The following MACF1 variants were observed in gnomAD, a reference collection of about 807,000 sequenced individuals.
The protein encoded by MACF1 is microtubule actin crosslinking factor 1.
Under a neutral mutation model 854.8 loss-of-function variants are expected in MACF1, and 193 were observed. The ratio of observed to expected loss-of-function variants is 0.23; its 90% CI spans 0.20 to 0.25. The LOEUF is 0.25. Among genes scored for constraint, MACF1 ranks in the 10% least tolerant of loss-of-function variants. The pLI is 1.00. For synonymous variants in MACF1, 3,185 were observed against 3,226.7 expected (o/e 0.99, Z 0.44); for missense variants, 7,722 against 8,929.1 (o/e 0.86, Z 5.45).
intron 1 of MACF1, among the ~76,000 whole-genome samples, chr1:39,211,507 A>G (rs1410274849): frequency 1.3e-5 from 2 of 152,020 alleles, no homozygotes; most frequent in Non-Finnish European, 2.9e-5. Context: ...GACTCAAGCA[A>G]TCCTCCACGT....
At chr1:39,222,954 A>C (rs1048444651) in intron 1 of MACF1, among the ~76,000 whole-genome samples, 5 of 152,310 alleles carry the variant, frequency 3.3e-5, no homozygotes, top group South Asian at 2.1e-4. Context: ...TGCCCCTCAA[A>C]TGCAGGCTTT....
rs564906436 is a variant in MACF1 at position 39,340,697 on chromosome 1, A to C, written c.10411A>C (p.Asn3471His). The stretch of plus-strand genomic sequence containing the variant: ...GAATTCCAGGCTACTCCACTTCCAG[A>C]ATGCTGTGGAAATAGAAAAGGTAGC... ...TWNSRLLHFQNAVEIEKTKVL... is the reference protein window; with the variant it reads ...TWNSRLLHFQHAVEIEKTKVL... Residue 3471 changes from asparagine (N) to histidine (H), a missense_variant, in exon 39 of 101, where the codon AAT becomes CAT. By Grantham distance (68) the Asn-to-His change is moderately conservative (BLOSUM62 1). Transcript: ENST00000564288. 2.3e-5 allele frequency: 37 copies of C among 1,614,100 alleles called. No homozygotes were observed. Among genetic ancestry groups the C allele is most frequent in the South Asian group, 2.2e-4 (20 of 91,058 alleles).
At chr1:39,483,146 G>GT (rs1336289527) in intron 99 of MACF1, among the ~76,000 whole-genome samples, 4 of 141,372 alleles carry the variant, frequency 2.8e-5, no homozygotes, top group African/African-American at 1.0e-4. Context: ...TTTTCCTCCA[G>GT]TTAAGCCTAC....
intron 58 of MACF1, among the ~76,000 whole-genome samples, chr1:39,391,084 C>G (rs1258326485): frequency 2.7e-5 from 4 of 150,522 alleles, no homozygotes; most frequent in Non-Finnish European, 5.9e-5. Flanking sequence ...GCACTCCAGC[C>G]TGGGTGACAG....
chr1:39,209,801 T>C (rs1401916485), intron 1 of MACF1, among the ~76,000 whole-genome samples: 1 of 152,030 alleles, frequency 6.6e-6, no homozygotes, highest in Non-Finnish European at 1.5e-5. Flanking sequence ...CTTATAGGTA[T>C]CCTAGAGCCA....
At chr1:39,130,088 CAA>C (rs1194693637) in intron 2 of MACF1, among the ~76,000 whole-genome samples, 5 of 152,054 alleles carry the variant, frequency 3.3e-5, no homozygotes, top group Non-Finnish European at 4.4e-5. Context: ...ATTTTGGACT[CAA>C]AGTCTTGTGT....
intron 2 of MACF1, among the ~76,000 whole-genome samples, chr1:39,179,025 G>A (rs1049181755): frequency 3.9e-5 from 6 of 152,184 alleles, no homozygotes; most frequent in Admixed American, 2.0e-4. Context: ...TGATTAAACA[G>A]TGATTAAGTG....
chr1:39,448,297 T>G (rs1466016752), intron 83 of MACF1, 145 bp downstream of exon 83: 1 of 932,894 alleles, frequency 1.1e-6, no homozygotes, highest in Non-Finnish European at 1.6e-6. Context: ...GGTTCCATTT[T>G]ATATCTAGAT....
rs575642095 is a variant in MACF1 at position 39,428,121 on chromosome 1, G to T, written c.16637G>T (p.Cys5546Phe). The change falls in exon 63 of 101, where the codon TGT becomes TTT. Residue 5546 changes from cysteine (C) to phenylalanine (F), a missense_variant. Physicochemically the swap from Cys to Phe is radical, Grantham distance 205. Around this residue, in one of 15 missense-constraint regions of MACF1, gnomAD observed 2,807 missense variants for 3,235.8 expected, o/e 0.87. Coordinates refer to ENST00000564288, the MANE Select transcript of MACF1 (RefSeq NM_001394062.1). ...ARYSEIQDRC[C>F]RKAALLDQAL... ...TACAGTGAAATTCAAGACCGCTGTTGTCGGAAGGCAGCCCTACTTGACCAA... is the reference window on the plus strand; with the variant it reads ...TACAGTGAAATTCAAGACCGCTGTTTTCGGAAGGCAGCCCTACTTGACCAA... 146 of 1,614,200 alleles carry T rather than the reference G, an allele frequency of 9.0e-5. No individual in the cohort carries two copies. In the South Asian group the frequency reaches 1.3e-3, roughly 14 times the overall value.
intron 97 of MACF1, among the ~76,000 whole-genome samples, chr1:39,472,998 G>A (rs925916930): frequency 2.6e-5 from 4 of 152,178 alleles, no homozygotes; most frequent in African/African-American, 7.2e-5. Flanking sequence ...GAAGGATGAC[G>A]TTAGAGAATT....
intron 28 of MACF1, 66 bp from the exon 29 acceptor site, chr1:39,317,148 A>T: frequency 6.7e-7 from 1 of 1,500,864 alleles, no homozygotes; most frequent in Non-Finnish European, 9.1e-7. Context: ...CTTGTTTCCC[A>T]CCTTAGACTG....
At chr1:39,251,819 T>C in intron 3 of MACF1, 27 bp from the exon 4 acceptor site, 1 of 1,282,762 alleles carries the variant, frequency 7.8e-7, no homozygotes, top group Non-Finnish European at 1.0e-6. Context: ...TCCTCTATTG[T>C]GTCTTTGCCT....
chr1:39,246,404 C>T (rs921171609), intron 2 of MACF1, among the ~76,000 whole-genome samples: 1 of 152,160 alleles, frequency 6.6e-6, no homozygotes, highest in Non-Finnish European at 1.5e-5. Flanking sequence ...TTATCAAATC[C>T]ACTGCCCTTT....
In MACF1 at chr1:39,340,635, A is replaced by G; in HGVS notation, c.10349A>G (p.Asn3450Ser). ...AAGGCTCTAGAGAAAGATGCCAAGAATCTTCAGAAGTCTCTCAGCTCTGTG... is the reference window on the plus strand; with the variant it reads ...AAGGCTCTAGAGAAAGATGCCAAGAGTCTTCAGAAGTCTCTCAGCTCTGTG... The part of the protein sequence containing the change: ...LLKALEKDAK[N>S]LQKSLSSVSD... Residue 3450 changes from asparagine to serine, a missense_variant, in exon 39 of 101, where the codon AAT becomes AGT. Transcript: ENST00000564288. The G allele has an allele frequency of 6.2e-7, 1 of 1,614,220 alleles. No individual in the cohort carries two copies. The highest frequency in any genetic ancestry group is 8.5e-7 in the Non-Finnish European group (1 of 1,180,030).
At chr1:39,101,492 G>A (rs756528572) in intron 2 of MACF1, among the ~76,000 whole-genome samples, 1 of 149,490 alleles carries the variant, frequency 6.7e-6, no homozygotes, top group East Asian at 2.1e-4. Flanking sequence ...GCCTCCCAAA[G>A]TGTTGGGATT....
chr1:39,325,540 A>G (rs1646593909), intron 35 of MACF1, among the ~76,000 whole-genome samples: 1 of 152,246 alleles, frequency 6.6e-6, no homozygotes, highest in Admixed American at 6.5e-5. Context: ...TTCTTAAAAG[A>G]TACAATGGAC....
At chr1:39,275,949 CT>C (rs1645428410) in intron 6 of MACF1, among the ~76,000 whole-genome samples, 2 of 148,434 alleles carry the variant, frequency 1.3e-5, no homozygotes, top group African/African-American at 5.0e-5. Context: ...GAGAAAGAAT[CT>C]TGCTCTGACA....
intron 78 of MACF1, 44 bp downstream of exon 78, chr1:39,442,955 A>G (rs781204524): frequency 3.2e-6 from 5 of 1,565,516 alleles, no homozygotes; most frequent in Non-Finnish European, 3.5e-6. Context: ...TATACAGATA[A>G]CAGAAAGCCT....
rs1646806994 is a variant in MACF1, at chr1:39,336,174, T to C, written c.9586T>C (p.Ser3196Pro). The change falls in exon 37 of 101, where the codon TCA (serine) becomes CCA (proline). Residue 3196 changes from serine to proline, a missense_variant. Around this residue, in one of 15 missense-constraint regions of MACF1, gnomAD observed 854 missense variants for 852.6 expected, o/e 1.00. Transcript: ENST00000564288. Reference sequence around the variant, plus strand: ...AGAAATCACAGTTTCTAGACCAGATTCAAAAGAAGTCAGGTATCTAGAATT... The same window carrying C: ...AGAAATCACAGTTTCTAGACCAGATCCAAAAGAAGTCAGGTATCTAGAATT... ...LEEITVSRPD[S>P]KEVRYLEFSD... 1.2e-6 allele frequency: 2 copies of C among 1,613,990 alleles called. No homozygotes were observed. Among genetic ancestry groups the C allele is most frequent in the African/African-American group, 2.7e-5 (2 of 74,904 alleles).
Sources: gnomAD v4.1 joint callset for allele counts (sites outside exome capture counted in the v4.1 genomes callset) on GRCh38, gnomAD v4.1.1 for gene constraint, gnomAD v4.1.1 regional missense constraint, MANE v1.5 for transcripts, NCBI Gene and HGNC (gene_info 2026-07-23, HGNC 2026-07-21) for gene names.